FBLN2: variants seen among roughly 807,000 people sequenced by gnomAD.
FBLN2 encodes the protein fibulin-2.
A neutral mutation model predicts 123.7 loss-of-function variants in FBLN2; 81 were observed. The ratio of observed to expected loss-of-function variants is 0.65; its 90% CI spans 0.55 to 0.79. The LOEUF is 0.79. Ranked by LOEUF, FBLN2 falls within the 30% of genes least tolerant of loss-of-function variation. The probability of loss-of-function intolerance (pLI) is 0.00; values close to 1 mark genes in which losing one functional copy is unlikely to be tolerated. For missense variants in FBLN2, 1,603 were observed against 1,681.3 expected, an observed-to-expected ratio of 0.95 and a Z score of 0.81; for synonymous variants, 699 against 701.4, an observed-to-expected ratio of 1.00 and a Z score of 0.05.
rs533551740 is a variant in FBLN2 at position 13,586,345 on chromosome 3, A to C, written c.1306+14684A>C. ...GATTACAGGTGCCCGCCACCACGCC[A>C]GGCTAATTTTTGTATTTTTAGTAGA... On this transcript the variant is annotated intron_variant, in intron 2 of 17. Coordinates refer to ENST00000404922, the MANE Select transcript of FBLN2 (RefSeq NM_001004019.2). Among the ~76,000 whole-genome samples the C allele has an allele frequency of 3.3e-4, 46 of 137,388 alleles. 1 individual carries two copies. In the Middle Eastern group the frequency reaches 0.014, roughly 42 times the overall value. The allele number at this position is 137,388 out of a possible 152,430, so 90.1% of individuals were successfully genotyped here.
intron 1 of FBLN2, among the ~76,000 whole-genome samples, chr3:13,566,135 T>TC (rs59321872): frequency 6.6e-6 from 1 of 152,076 alleles, no homozygotes; most frequent in African/African-American, 2.4e-5. Flanking sequence ...GCTGGGACTG[T>TC]CCCCCCGCAG....
intron 15 of FBLN2, 127 bp downstream of exon 15, chr3:13,630,942 C>A: frequency 1.4e-6 from 1 of 736,920 alleles, no homozygotes. Flanking sequence ...AGTTCAAGCC[C>A]CAGCCCTGCA....
intron 2 of FBLN2, among the ~76,000 whole-genome samples, chr3:13,591,057 T>C (rs543987245): frequency 1.1e-4 from 16 of 152,380 alleles, no homozygotes; most frequent in African/African-American, 3.8e-4. Flanking sequence ...TCCACATTTC[T>C]GCCAACTCTG....
At chr3:13,590,365 G>C (rs1704631222) in intron 2 of FBLN2, among the ~76,000 whole-genome samples, 1 of 151,760 alleles carries the variant, frequency 6.6e-6, no homozygotes, top group Admixed American at 6.6e-5. Flanking sequence ...TCACTCTGTT[G>C]CCCAGACTGG....
rs1018216372 is a variant in FBLN2 at position 13,571,200 on chromosome 3, A to G, written c.845A>G (p.Glu282Gly). 37 of 1,568,574 alleles carry G rather than the reference A, an allele frequency of 2.4e-5. No individual in the cohort carries two copies. The highest frequency in any genetic ancestry group is 3.1e-5 in the Non-Finnish European group (36 of 1,157,216). The change falls in exon 2 of 18, where the codon GAG (glutamate) becomes GGG (glycine). Residue 282 changes from glutamate to glycine, a missense_variant. Glu to Gly is a moderately conservative substitution (Grantham distance 98). Transcript: ENST00000404922. ...RVTEDSEEEE[E>G]EEEEREEMAV... ...ACCGAGGACAGTGAGGAGGAAGAAG[A>G]GGAGGAGGAGGAGAGAGAGGAAATG...
chr3:13,614,943 C>T (rs62232998), intron 5 of FBLN2, among the ~76,000 whole-genome samples: 5 of 140,734 alleles, frequency 3.6e-5, no homozygotes, highest in African/African-American at 5.2e-5. Context: ...CATCCATCCA[C>T]CCACCCATCC....
At chr3:13,632,691 C>T (rs1225665235) in intron 16 of FBLN2, among the ~76,000 whole-genome samples, 1 of 152,110 alleles carries the variant, frequency 6.6e-6, no homozygotes, top group Non-Finnish European at 1.5e-5. Flanking sequence ...ACAAGGAGTC[C>T]TTTGTGTGGG....
chr3:13,586,041 T>C (rs1436827277), intron 2 of FBLN2, among the ~76,000 whole-genome samples: 1 of 152,172 alleles, frequency 6.6e-6, no homozygotes, highest in African/African-American at 2.4e-5. Context: ...ATTGCTATCA[T>C]AGGAGATGAC....
intron 5 of FBLN2, among the ~76,000 whole-genome samples, chr3:13,614,732 A>T (rs1354698529): frequency 6.7e-6 from 1 of 149,236 alleles, no homozygotes; most frequent in Non-Finnish European, 1.5e-5. Flanking sequence ...CCATTCATTC[A>T]TCCATGTATC....
intron 1 of FBLN2, among the ~76,000 whole-genome samples, chr3:13,564,246 G>A (rs995086053): frequency 9.9e-5 from 15 of 152,098 alleles, no homozygotes; most frequent in African/African-American, 3.4e-4. Flanking sequence ...CAGCGGGCCA[G>A]GTGGTACTGA....
At chr3:13,556,495 A>C (rs1703468114) in intron 1 of FBLN2, among the ~76,000 whole-genome samples, 1 of 152,132 alleles carries the variant, frequency 6.6e-6, no homozygotes, top group Admixed American at 6.5e-5. Flanking sequence ...ATACCATCCC[A>C]CTGGGGTCAG....
At chr3:13,587,004 T>G (rs1023111261) in intron 2 of FBLN2, among the ~76,000 whole-genome samples, 17 of 151,112 alleles carry the variant, frequency 1.1e-4, no homozygotes, top group Non-Finnish European at 2.2e-4. Flanking sequence ...AATTAGCCGG[T>G]CACAGTGGCG....
chr3:13,630,359 G>A (rs1003395026), intron 14 of FBLN2, among the ~76,000 whole-genome samples: 1 of 152,264 alleles, frequency 6.6e-6, no homozygotes, highest in African/African-American at 2.4e-5. Context: ...GTGGGGACTG[G>A]TGTGGAGTAA....
At chr3:13,569,486 T>A (rs1050093282) in intron 1 of FBLN2, among the ~76,000 whole-genome samples, 1 of 143,276 alleles carries the variant, frequency 7.0e-6, no homozygotes, top group Non-Finnish European at 1.5e-5. Flanking sequence ...GGCCTAGAGA[T>A]GGAAGGAAGG....
Position 13,629,845 on chromosome 3 carries a change from A to G in FBLN2, c.2868A>G (p.Pro956=). 2.5e-6 allele frequency: 4 copies of G among 1,582,108 alleles called. No homozygotes were observed. The highest frequency in any genetic ancestry group is 3.4e-6 in the Non-Finnish European group (4 of 1,165,058). The change falls in exon 14 of 18, where the codon CCA becomes CCG. Residue 956 remains proline (P), a synonymous_variant. Transcript: ENST00000404922. ...ACGTGAATGAGTGCTGGGCCTCGCC[A>G]GGCCGCCTGTGCCAGCACACGTGTG... is the stretch of plus-strand genomic sequence containing the variant. ...CIDVNECWAS[P]GRLCQHTCEN...
At chr3:13,620,485 G>C (rs1427585691) in intron 8 of FBLN2, among the ~76,000 whole-genome samples, 1 of 152,186 alleles carries the variant, frequency 6.6e-6, no homozygotes, top group Non-Finnish European at 1.5e-5. Flanking sequence ...GCTGTCCAAG[G>C]ATCACATACC....
At chr3:13,576,583 A>AG (rs1704151660) in intron 2 of FBLN2, among the ~76,000 whole-genome samples, 3 of 152,308 alleles carry the variant, frequency 2.0e-5, no homozygotes, top group South Asian at 4.1e-4. Context: ...AAGGCTTCCC[A>AG]GGGGAGGTGC....
chr3:13,560,396 G>A (rs1703571480), intron 1 of FBLN2, among the ~76,000 whole-genome samples: 1 of 152,250 alleles, frequency 6.6e-6, no homozygotes, highest in Admixed American at 6.5e-5. Flanking sequence ...GGTACCCTAA[G>A]CCCCACCTGC....
chr3:13,632,608 C>T (rs909442657), intron 16 of FBLN2, among the ~76,000 whole-genome samples: 3 of 152,264 alleles, frequency 2.0e-5, no homozygotes, highest in Non-Finnish European at 1.5e-5. Flanking sequence ...AGTGGAGTGG[C>T]GTGGCATGGG....
Sources: gnomAD v4.1 joint callset for allele counts (sites outside exome capture counted in the v4.1 genomes callset) on GRCh38, gnomAD v4.1.1 for gene constraint, MANE v1.5 for transcripts, NCBI Gene and HGNC (gene_info 2026-07-23, HGNC 2026-07-21) for gene names.